USP37: variants seen among roughly 807,000 people sequenced by gnomAD.
USP37 encodes the protein ubiquitin specific peptidase 37.
A neutral mutation model predicts 124.0 loss-of-function variants in USP37; 27 were observed. The observed-to-expected ratio is 0.22, with a 90% CI of 0.16 to 0.30. USP37 has a LOEUF of 0.30. USP37 is among the 10% of genes least tolerant of loss of function. USP37 has a pLI of 1.00. For missense variants in USP37, 889 were observed against 1,140.4 expected, an observed-to-expected ratio of 0.78 and a Z score of 3.17; for synonymous variants, 365 against 388.0, an observed-to-expected ratio of 0.94 and a Z score of 0.70.
In USP37 at chr2:218,451,607, A is replaced by G. The variant is rs1689481261; in HGVS notation, c.*3323T>C. ...AGCTGTATGTGTGTATAGTTACATA[A>G]TGGTAACTACACACGATACAGAAGA... On this transcript the variant is annotated 3_prime_UTR_variant, in exon 26 of 26. Coordinates refer to ENST00000258399, the MANE Select transcript of USP37 (RefSeq NM_020935.3). 1 of 151,958 alleles carries G rather than the reference A, an allele frequency of 6.6e-6. No homozygotes were observed. The highest frequency in any genetic ancestry group is 1.5e-5 in the Non-Finnish European group (1 of 68,014). 9.4% of individuals were successfully genotyped at this position (151,958 alleles called of 1,614,324 possible). A position where few individuals can be genotyped will look rare whatever the true frequency, so the allele number is the denominator to read the frequency against.
chr2:218,533,657 T>G (rs1382038668), intron 9 of USP37, among the ~76,000 whole-genome samples: 1 of 152,212 alleles, frequency 6.6e-6, no homozygotes, highest in East Asian at 1.9e-4. Context: ...TTACATGTGA[T>G]ATTTCTTTCT....
rs571163769 is a variant in USP37 at position 218,527,504 on chromosome 2, C to T, written c.863+2452G>A. Among the ~76,000 whole-genome samples the T allele has an allele frequency of 1.9e-4, 29 of 152,286 alleles. No homozygotes were observed. In the South Asian group the frequency reaches 2.1e-3, roughly 11 times the overall value. On this transcript the variant is annotated intron_variant, in intron 10 of 25. Coordinates refer to ENST00000258399, the MANE Select transcript of USP37 (RefSeq NM_020935.3). ...CGTTTGTGTTCTCCACATTCCTTAC[C>T]GCTTTAGCCTTTGCACACTATTAGT... is the stretch of plus-strand genomic sequence containing the variant.
At chr2:218,496,235 G>A (rs1323455206) in intron 13 of USP37, among the ~76,000 whole-genome samples, 1 of 111,518 alleles carries the variant, frequency 9.0e-6, no homozygotes, top group Non-Finnish European at 2.2e-5. Context: ...AGAGGTTACA[G>A]TGAGCCAAGA....
At chr2:218,498,270 C>T (rs2105990860) in intron 11 of USP37, 113 bp from the exon 12 acceptor site, 1 of 1,076,438 alleles carries the variant, frequency 9.3e-7, no homozygotes, top group Non-Finnish European at 1.3e-6. Flanking sequence ...GCTTGTTAAA[C>T]TACATATTAC....
At chr2:218,566,846 A>C (rs756017522) in intron 1 of USP37, among the ~76,000 whole-genome samples, 2 of 152,184 alleles carry the variant, frequency 1.3e-5, no homozygotes, top group African/African-American at 4.8e-5. Context: ...GAGAGAGTAG[A>C]AGTCAAGAAT....
At chr2:218,458,795 G>C (rs998957818) in intron 23 of USP37, among the ~76,000 whole-genome samples, 1 of 152,042 alleles carries the variant, frequency 6.6e-6, no homozygotes, top group Non-Finnish European at 1.5e-5. Flanking sequence ...ACCTGGGTGT[G>C]GCAGTGTGTG....
chr2:218,483,764 A>G (rs1228617645), intron 16 of USP37, among the ~76,000 whole-genome samples: 1 of 152,202 alleles, frequency 6.6e-6, no homozygotes. Context: ...TTCCTTAGTG[A>G]CAGCTGGTAA....
intron 9 of USP37, among the ~76,000 whole-genome samples, chr2:218,530,661 T>C (rs1198450810): frequency 1.3e-5 from 2 of 152,166 alleles, no homozygotes; most frequent in Non-Finnish European, 2.9e-5. Flanking sequence ...TTAAGCCCAG[T>C]CAGGGAGGCA....
rs776696637 is a variant in USP37, at chr2:218,549,901, G to T, written c.337C>A (p.Pro113Thr). 2 of 1,595,036 alleles carry T rather than the reference G, an allele frequency of 1.3e-6. No individual in the cohort carries two copies. The highest frequency in any genetic ancestry group is 2.3e-5 in the South Asian group (2 of 87,528). The change falls in exon 6 of 26, where the codon CCG becomes ACG. Residue 113 changes from proline (P) to threonine (T), a missense_variant. This residue lies in a region of USP37 where 374 missense variants were observed against 386.0 expected (regional missense o/e 0.97). Coordinates refer to ENST00000258399, the MANE Select transcript of USP37 (RefSeq NM_020935.3). Reference protein sequence around the residue: ...HQNRLPAAMKPSQGSGSFGAI... With the variant: ...HQNRLPAAMKTSQGSGSFGAI... ...CCAAAACTACCAGACCCCTGAGACG[G>T]TTTCATGGCTGGTGACCAAAAATAT...
At chr2:218,467,358 T>TC (rs1553538435) in intron 20 of USP37, among the ~76,000 whole-genome samples, 6,046 of 141,320 alleles carry the variant, frequency 0.043, 368 homozygotes, top group African/African-American at 0.15. Context: ...TATCTATCTA[T>TC]TTTTTTTTGA....
intron 2 of USP37, among the ~76,000 whole-genome samples, chr2:218,561,496 A>T (rs566212439): frequency 6.6e-6 from 1 of 152,212 alleles, no homozygotes; most frequent in African/African-American, 2.4e-5. Flanking sequence ...CATCTCTACC[A>T]AAAATACAAA....
At chr2:218,514,832 T>C (rs1690186430) in intron 10 of USP37, among the ~76,000 whole-genome samples, 1 of 152,204 alleles carries the variant, frequency 6.6e-6, no homozygotes, top group Non-Finnish European at 1.5e-5. Context: ...TTAGGAGAGC[T>C]CTTCAGTCTC....
At chr2:218,515,917 C>A (rs552445305) in intron 10 of USP37, among the ~76,000 whole-genome samples, 2 of 151,520 alleles carry the variant, frequency 1.3e-5, no homozygotes, top group African/African-American at 4.9e-5. Context: ...GACATTTATG[C>A]GGCTAACAAA....
intron 10 of USP37, among the ~76,000 whole-genome samples, chr2:218,515,164 T>C (rs1214245686): frequency 1.3e-5 from 2 of 152,188 alleles, no homozygotes; most frequent in African/African-American, 4.8e-5. Flanking sequence ...TACCACTGAC[T>C]TTCTTCACAG....
At chr2:218,530,423 T>G (rs1346116841) in intron 9 of USP37, among the ~76,000 whole-genome samples, 1 of 152,218 alleles carries the variant, frequency 6.6e-6, no homozygotes, top group Non-Finnish European at 1.5e-5. Flanking sequence ...CTGTTGTCAC[T>G]GTTTTGGGGT....
rs1344123769 is a variant in USP37 at position 218,451,071 on chromosome 2, TA to T, written c.*3858del. 2 of 152,192 alleles carry T rather than the reference TA, an allele frequency of 1.3e-5. No homozygotes were observed. The highest frequency in any genetic ancestry group is 2.4e-5 in the African/African-American group (1 of 41,442). The allele number at this position is 152,192 out of a possible 1,614,324, so 9.4% of individuals were successfully genotyped here. The stretch of plus-strand genomic sequence containing the variant: ...TTAGAATTTTCCAATAAAAAATATA[TA>T]TTTTTTCAGATGTTAATAAGACATA... On this transcript the variant is annotated 3_prime_UTR_variant, in exon 26 of 26. Coordinates refer to ENST00000258399, the MANE Select transcript of USP37 (RefSeq NM_020935.3).
intron 11 of USP37, among the ~76,000 whole-genome samples, chr2:218,501,974 C>CA (rs1223970732): frequency 6.6e-6 from 1 of 152,126 alleles, no homozygotes; most frequent in Non-Finnish European, 1.5e-5. Context: ...TTACACCAGT[C>CA]AGAGTAGAGA....
intron 22 of USP37, 77 bp downstream of exon 22, chr2:218,463,220 ACACACACAC>A (rs1690122261): frequency 1.6e-6 from 1 of 635,504 alleles, no homozygotes; most frequent in African/African-American, 2.8e-5. Context: ...ACACACACAC[ACACACACAC>A]ACTTTCTTTA....
chr2:218,527,244 T>C (rs980668023), intron 10 of USP37, among the ~76,000 whole-genome samples: 1 of 152,228 alleles, frequency 6.6e-6, no homozygotes, highest in African/African-American at 2.4e-5. Flanking sequence ...AGGCTAATCA[T>C]TGTTGTCCCA....
Sources: allele counts gnomAD v4.1 joint callset (sites outside exome capture counted in the v4.1 genomes callset), GRCh38; gene constraint gnomAD v4.1.1; regional missense constraint gnomAD v4.1.1; transcripts MANE v1.5; gene names NCBI Gene and HGNC (gene_info 2026-07-23, HGNC 2026-07-21).